DCX: variants seen among roughly 807,000 people sequenced by gnomAD.
DCX encodes doublecortin.
In DCX, 4 loss-of-function variants were observed where a neutral mutation model predicts 20.9. The ratio of observed to expected loss-of-function variants is 0.19; its 90% CI spans 0.09 to 0.44. DCX has a LOEUF of 0.44. Among genes scored for constraint, DCX ranks in the 20% least tolerant of loss-of-function variants. The pLI is 0.99. For synonymous variants in DCX, 103 were observed against 111.4 expected (o/e 0.92, Z 0.47); for missense variants, 133 against 296.9 (o/e 0.45, Z 4.06).
At chrX:111,316,949 T>C (rs2095074115) in intron 5 of DCX, among the ~76,000 whole-genome samples, 1 of 112,094 alleles carries the variant, frequency 8.9e-6, no homozygotes, top group Non-Finnish European at 1.9e-5. Flanking sequence ...GGAAAAACAT[T>C]CTATGCTCAT....
At position 111,408,879 on chromosome X, in the gene DCX, A is replaced by G. The variant is rs757578413; in HGVS notation, c.364+1156T>C. On this transcript the variant is annotated intron_variant, in intron 2 of 6. Transcript: ENST00000636035. ...TGTCTAGGAACACAAGAAACTTAGA[A>G]GCAGTGAAGCAGAGGCAGGTTTTTC... Among the ~76,000 whole-genome samples the G allele has an allele frequency of 5.4e-5, 6 of 111,778 alleles. No homozygotes were observed. The South Asian group carries it at 2.3e-3, about 43-fold the overall frequency.
Position 111,374,055 on chromosome X carries a change from A to G in DCX, c.705+26935T>C, listed in dbSNP as rs144505475. On this transcript the variant is annotated intron_variant, in intron 3 of 6. Transcript: ENST00000636035. The stretch of plus-strand genomic sequence containing the variant: ...GGCTCCCTGAATCTGTTCTTTTTCT[A>G]TTTTGATCCTCCATGTAATTGCAGT... Among the ~76,000 whole-genome samples, 145 of 111,940 alleles carry G rather than the reference A, an allele frequency of 1.3e-3. 1 individual carries two copies. The East Asian group carries it at 0.025, about 19-fold the overall frequency.
chrX:111,313,222 G>T (rs2095061535), intron 5 of DCX, among the ~76,000 whole-genome samples: 1 of 110,666 alleles, frequency 9.0e-6, no homozygotes, highest in East Asian at 2.8e-4. Context: ...CAGCCCCATT[G>T]TTAGTCTCTC....
rs1367190700 is a variant in DCX, at chrX:111,300,723, A to G, written c.*964T>C. 1.8e-5 allele frequency: 2 copies of G among 111,297 alleles called. No individual in the cohort carries two copies. The highest frequency in any genetic ancestry group is 3.8e-5 in the Non-Finnish European group (2 of 52,991). The allele number at this position is 111,297 out of a possible 1,213,427, so 9.2% of individuals were successfully genotyped here. A position where few individuals can be genotyped will look rare whatever the true frequency, so the allele number is the denominator to read the frequency against. ...AAGAGTTTGCTCCTGAAATACAGACATGAATTTTTATAAAAAGGATATTGA... is the reference window on the plus strand; with the variant it reads ...AAGAGTTTGCTCCTGAAATACAGACGTGAATTTTTATAAAAAGGATATTGA... On this transcript the variant is annotated 3_prime_UTR_variant, in exon 7 of 7. Transcript: ENST00000636035.
chrX:111,345,692 G>A (rs1259154954), intron 3 of DCX, among the ~76,000 whole-genome samples: 1 of 111,507 alleles, frequency 9.0e-6, no homozygotes, highest in Admixed American at 9.5e-5. Context: ...ACCACAATGA[G>A]ATACTATCTC....
At chrX:111,345,715 C>T (rs750604339) in intron 3 of DCX, among the ~76,000 whole-genome samples, 28 of 111,010 alleles carry the variant, frequency 2.5e-4, no homozygotes, top group Non-Finnish European at 4.4e-4. Context: ...GCCAGTCATG[C>T]GTCTTTATAG....
Position 111,294,582 on chromosome X carries a change from C to G in DCX, c.*7105G>C, listed in dbSNP as rs1045909824. On this transcript the variant is annotated 3_prime_UTR_variant, in exon 7 of 7. Transcript: ENST00000636035. ...ACTGCTGAGAGATGGTTGAGAAATG[C>G]CTTTTCCCCACATTTTGGTTTGTTT... The G allele has an allele frequency of 8.9e-6, 1 of 111,738 alleles. No homozygotes were observed. Among genetic ancestry groups the G allele is most frequent in the Admixed American group, 9.5e-5 (1 of 10,493 alleles). The allele number at this position is 111,738 out of a possible 1,213,427, so 9.2% of individuals were successfully genotyped here. A position where few individuals can be genotyped will look rare whatever the true frequency, so the allele number is the denominator to read the frequency against.
chrX:111,338,207 T>C (rs1045791329), intron 3 of DCX, among the ~76,000 whole-genome samples: 1 of 112,281 alleles, frequency 8.9e-6, no homozygotes, highest in East Asian at 2.8e-4. Flanking sequence ...TAGACTCACC[T>C]GCCAACCTTC....
chrX:111,315,822 C>G (rs1400143646), intron 5 of DCX, among the ~76,000 whole-genome samples: 1 of 16,700 alleles, frequency 6.0e-5, no homozygotes, highest in Non-Finnish European at 1.0e-4. Flanking sequence ...AGTAAACTAT[C>G]GCAAGAACAA....
chrX:111,376,804 C>T (rs1219761548), intron 3 of DCX, among the ~76,000 whole-genome samples: 2 of 111,639 alleles, frequency 1.8e-5, no homozygotes, highest in Non-Finnish European at 3.8e-5. Flanking sequence ...AACCTCTGTT[C>T]GCGTTTCTAT....
intron 6 of DCX, among the ~76,000 whole-genome samples, chrX:111,310,532 C>T (rs1173798114): frequency 9.0e-6 from 1 of 110,898 alleles, no homozygotes; most frequent in East Asian, 2.8e-4. Context: ...ATTTTTGCAA[C>T]TCTTCTGTAA....
chrX:111,311,632 G>A (rs1311816608), intron 6 of DCX, among the ~76,000 whole-genome samples: 10 of 111,857 alleles, frequency 8.9e-5, no homozygotes, highest in Non-Finnish European at 5.6e-5. Flanking sequence ...GGTGACTTGG[G>A]TACCACTCTT....
intron 1 of DCX, chrX:111,410,981 C>T (rs1198879426): frequency 3.4e-6 from 4 of 1,193,094 alleles, no homozygotes; most frequent in Non-Finnish European, 4.5e-6. Context: ...TCATTTTATT[C>T]CAAGCCCTCT....
chrX:111,302,958 A>C (rs193109411), intron 6 of DCX, among the ~76,000 whole-genome samples: 1 of 111,578 alleles, frequency 9.0e-6, no homozygotes, highest in East Asian at 2.8e-4. Context: ...AAACATTTTT[A>C]ATTTTTGAGA....
chrX:111,377,163 A>G (rs1384407432), intron 3 of DCX, among the ~76,000 whole-genome samples: 2 of 111,687 alleles, frequency 1.8e-5, no homozygotes, highest in Non-Finnish European at 3.8e-5. Flanking sequence ...CAGCGTAAAA[A>G]GGCTGTGATT....
rs1219969633 is a variant in DCX, at chrX:111,342,342, TATATATATATATA to T, written c.706-9202_706-9190del. Among the ~76,000 whole-genome samples, 13 of 20,564 alleles carry T rather than the reference TATATATATATATA, an allele frequency of 6.3e-4. No individual in the cohort carries two copies. The African/African-American group carries it at 0.01, about 17-fold the overall frequency. 17.9% of individuals were successfully genotyped at this position (20,564 alleles called of 115,157 possible). The stretch of plus-strand genomic sequence containing the variant: ...ATTCAACAAGAAGAGCTAACTATTA[TATATATATATATA>T]TATATATATATATATATATATATAT... On this transcript the variant is annotated intron_variant, in intron 3 of 6. Transcript: ENST00000636035.
rs1339914124 is a variant in DCX, at chrX:111,296,612, A to G, written c.*5075T>C. 1 of 109,616 alleles carries G rather than the reference A, an allele frequency of 9.1e-6. No homozygotes were observed. Among genetic ancestry groups the G allele is most frequent in the African/African-American group, 3.3e-5 (1 of 29,996 alleles). 9.0% of individuals were successfully genotyped at this position (109,616 alleles called of 1,213,427 possible). On this transcript the variant is annotated 3_prime_UTR_variant, in exon 7 of 7. Coordinates refer to ENST00000636035, the MANE Select transcript of DCX (RefSeq NM_001195553.2). ...TACTAAAAATAATAATAATAAAAAA[A>G]TAGCCAGATTTGGTGGCGCACGCCT...
At chrX:111,303,717 T>C (rs1370718110) in intron 6 of DCX, among the ~76,000 whole-genome samples, 1 of 111,452 alleles carries the variant, frequency 9.0e-6, no homozygotes, top group Non-Finnish European at 1.9e-5. Flanking sequence ...GACTATAATT[T>C]GGGGGTCCTA....
chrX:111,335,040 C>G (rs1231658626), intron 3 of DCX, among the ~76,000 whole-genome samples: 1 of 111,717 alleles, frequency 9.0e-6, no homozygotes, highest in African/African-American at 3.3e-5. Flanking sequence ...AAACACAGAG[C>G]CCTTAACTCT....
Sources: allele counts gnomAD v4.1 joint callset (sites outside exome capture counted in the v4.1 genomes callset), GRCh38; gene constraint gnomAD v4.1.1; transcripts MANE v1.5; gene names NCBI Gene and HGNC (gene_info 2026-07-23, HGNC 2026-07-21).